SYT16: variants seen among roughly 807,000 people sequenced by gnomAD.
SYT16 encodes the protein synaptotagmin-16.
Under a neutral mutation model 61.4 loss-of-function variants are expected in SYT16, and 42 were observed. The observed-to-expected ratio is 0.68, with a 90% CI of 0.53 to 0.89. The LOEUF (loss-of-function observed/expected upper bound fraction) is 0.89. SYT16 is among the 40% of genes least tolerant of loss of function. SYT16 has a pLI of 0.00. For missense variants in SYT16, 804 were observed against 807.3 expected, an observed-to-expected ratio of 1.00 and a Z score of 0.05; for synonymous variants, 314 against 302.3, an observed-to-expected ratio of 1.04 and a Z score of -0.40.
chr14:62,059,653 T>C (rs1714994146), intron 3 of SYT16, among the ~76,000 whole-genome samples: 1 of 148,214 alleles, frequency 6.7e-6, no homozygotes, highest in East Asian at 2.0e-4. Context: ...GATTAATTTA[T>C]ATATATGTAA....
chr14:61,953,740 G>A (rs1003708161), intron 1 of SYT16, among the ~76,000 whole-genome samples: 3 of 152,196 alleles, frequency 2.0e-5, no homozygotes, highest in African/African-American at 7.2e-5. Context: ...GACTGAAGGA[G>A]TCTGGGCTTG....
At chr14:62,041,039 C>T (rs192774055) in intron 3 of SYT16, among the ~76,000 whole-genome samples, 1 of 152,248 alleles carries the variant, frequency 6.6e-6, no homozygotes, top group Admixed American at 6.5e-5. Flanking sequence ...AGTCCGAGTT[C>T]GAAAGCTGAA....
chr14:62,063,122 A>G (rs2055900846), intron 3 of SYT16, among the ~76,000 whole-genome samples: 1 of 152,174 alleles, frequency 6.6e-6, no homozygotes, highest in Non-Finnish European at 1.5e-5. Context: ...CAGGCTTGGG[A>G]AAAAGGATTG....
intron 3 of SYT16, among the ~76,000 whole-genome samples, chr14:62,066,621 G>A (rs1468564589): frequency 1.3e-5 from 2 of 152,200 alleles, no homozygotes; most frequent in African/African-American, 4.8e-5. Context: ...TGACTCAGAA[G>A]TGATCTTCAG....
chr14:62,010,921 T>G (rs2053421664), intron 3 of SYT16, among the ~76,000 whole-genome samples: 1 of 152,196 alleles, frequency 6.6e-6, no homozygotes, highest in African/African-American at 2.4e-5. Context: ...GTTAGAAAAC[T>G]GTTCTTCAAC....
rs758991608 is a variant in SYT16, at chr14:62,075,205, T to A, written c.807T>A (p.Ala269=). 2 of 1,613,504 alleles carry A rather than the reference T, an allele frequency of 1.2e-6. No homozygotes were observed. Among genetic ancestry groups the A allele is most frequent in the South Asian group, 2.2e-5 (2 of 91,004 alleles). Residue 269 remains alanine, a synonymous_variant, in exon 5 of 8, where the codon GCT becomes GCA. Transcript: ENST00000683842. Reference sequence around the variant, plus strand: ...ACGGTGAAGATGACCACATCCCTGCTCACTCACAGTCCCCATGTGAAAGAG... The same window carrying A: ...ACGGTGAAGATGACCACATCCCTGCACACTCACAGTCCCCATGTGAAAGAG... ...LSYGEDDHIP[A]HSQSPCERGD... is the part of the protein sequence containing the mutation.
intron 7 of SYT16, among the ~76,000 whole-genome samples, chr14:62,096,099 A>G (rs914900828): frequency 6.6e-6 from 1 of 152,056 alleles, no homozygotes; most frequent in East Asian, 1.9e-4. Context: ...TGTATTAAAG[A>G]TCAAGTGTGA....
At chr14:61,816,786 C>G (rs992686049) in intron 1 of SYT16, among the ~76,000 whole-genome samples, 1 of 149,764 alleles carries the variant, frequency 6.7e-6, no homozygotes, top group African/African-American at 2.5e-5. Context: ...CCGAGGCGGA[C>G]GGATCACGAG....
intron 1 of SYT16, among the ~76,000 whole-genome samples, chr14:61,902,045 G>A (rs1471377129): frequency 6.6e-6 from 1 of 152,116 alleles, no homozygotes; most frequent in Admixed American, 6.5e-5. Context: ...CTATAGGGGT[G>A]AGCCACCGTT....
intron 3 of SYT16, among the ~76,000 whole-genome samples, chr14:62,006,841 A>G (rs1048556509): frequency 1.3e-5 from 2 of 152,168 alleles, no homozygotes; most frequent in African/African-American, 2.4e-5. Flanking sequence ...TTAACCACAT[A>G]TATTTGTTTC....
intron 2 of SYT16, among the ~76,000 whole-genome samples, chr14:61,976,068 A>G (rs1366285360): frequency 6.6e-6 from 1 of 152,230 alleles, no homozygotes; most frequent in Non-Finnish European, 1.5e-5. Flanking sequence ...CAAAGGGGCT[A>G]CAGGCCCCAT....
chr14:62,005,483 A>T (rs1207932971), intron 3 of SYT16, among the ~76,000 whole-genome samples: 1 of 152,098 alleles, frequency 6.6e-6, no homozygotes. Flanking sequence ...TTTATAGACA[A>T]TGTCTAGGGT....
chr14:61,828,674 G>A (rs911064131), intron 1 of SYT16, among the ~76,000 whole-genome samples: 2 of 152,204 alleles, frequency 1.3e-5, no homozygotes, highest in Non-Finnish European at 2.9e-5. Context: ...AACACACAGA[G>A]TTATACAGAT....
chr14:61,941,056 G>A (rs976825577), intron 1 of SYT16, among the ~76,000 whole-genome samples: 13 of 152,118 alleles, frequency 8.5e-5, no homozygotes, highest in Admixed American at 6.6e-4. Flanking sequence ...AAGTTTGGAC[G>A]GGCATGTTAC....
intron 1 of SYT16, among the ~76,000 whole-genome samples, chr14:61,894,357 C>G (rs1200308071): frequency 6.6e-6 from 1 of 151,812 alleles, no homozygotes; most frequent in Non-Finnish European, 1.5e-5. Flanking sequence ...CCCCTGCCCC[C>G]CAAATCAAGT....
At position 62,051,844 on chromosome 14, in the gene SYT16, C is replaced by A. The variant is rs563719328; in HGVS notation, c.524-17759C>A. 5.3e-5 allele frequency among the ~76,000 whole-genome samples: 8 copies of A among 152,042 alleles called. 1 individual carries two copies. The South Asian group carries it at 6.2e-4, about 12-fold the overall frequency. On this transcript the variant is annotated intron_variant, in intron 3 of 7. Transcript: ENST00000683842. ...CCCAGGAGTTTGAGATCAGCCTGGG[C>A]AACCTGGTGAAACTCTGTCTTTATA...
intron 1 of SYT16, among the ~76,000 whole-genome samples, chr14:61,838,856 C>A (rs976416287): frequency 3.3e-5 from 5 of 152,160 alleles, no homozygotes; most frequent in African/African-American, 1.2e-4. Context: ...AATCATCATG[C>A]CCCATTGTGT....
intron 1 of SYT16, among the ~76,000 whole-genome samples, chr14:61,952,180 T>A (rs1019122861): frequency 6.6e-6 from 1 of 152,134 alleles, no homozygotes; most frequent in Non-Finnish European, 1.5e-5. Flanking sequence ...GGCTCATGTA[T>A]TGCTTAATTA....
intron 4 of SYT16, among the ~76,000 whole-genome samples, chr14:62,072,534 T>C (rs2056338973): frequency 5.9e-5 from 9 of 152,226 alleles, no homozygotes; most frequent in Admixed American, 5.9e-4. Context: ...GCTGAAGCTG[T>C]AGTTCTTAGG....
Sources: allele counts gnomAD v4.1 joint callset (sites outside exome capture counted in the v4.1 genomes callset), GRCh38; gene constraint gnomAD v4.1.1; transcripts MANE v1.5; gene names NCBI Gene and HGNC (gene_info 2026-07-23, HGNC 2026-07-21).